ELMOD1: variants seen among roughly 807,000 people sequenced by gnomAD.
The protein encoded by ELMOD1 is ELMO domain containing 1.
In ELMOD1, 21 loss-of-function variants were observed where a neutral mutation model predicts 46.7. The observed-to-expected ratio is 0.45, with a 90% confidence interval of 0.32 to 0.65. The LOEUF is 0.65. Ranked by LOEUF, ELMOD1 falls within the 30% of genes least tolerant of loss-of-function variation. The pLI, the probability that ELMOD1 is intolerant of heterozygous loss-of-function variation, is 0.04. For synonymous variants in ELMOD1, 122 were observed against 138.2 expected (o/e 0.88, Z 0.82); for missense variants, 348 against 407.8 (o/e 0.85, Z 1.26).
At chr11:107,642,281 A>G (rs1038883797) in intron 6 of ELMOD1, among the ~76,000 whole-genome samples, 5 of 152,114 alleles carry the variant, frequency 3.3e-5, no homozygotes, top group African/African-American at 1.2e-4. Flanking sequence ...TCTGATGAGG[A>G]TTATAATCCA....
At chr11:107,604,867 C>G (rs191401701) in intron 1 of ELMOD1, among the ~76,000 whole-genome samples, 2 of 152,170 alleles carry the variant, frequency 1.3e-5, no homozygotes, top group East Asian at 3.8e-4. Context: ...AGCAGAGTAC[C>G]CTGCTTGCCT....
At position 107,659,663 on chromosome 11, in the gene ELMOD1, G is replaced by GTGGA. The variant is rs773570377; in HGVS notation, c.832+3641_832+3644dup. ...GGGGGTTGGGTGGGTGGGTGGGTGG[G>GTGGA]TGGATGGATGGATGGATGGATGGAT... On this transcript the variant is annotated intron_variant, in intron 11 of 11. Transcript: ENST00000265840. Among the ~76,000 whole-genome samples the GTGGA allele has an allele frequency of 9.2e-3, 831 of 90,008 alleles. 10 individuals are homozygous for GTGGA. Among genetic ancestry groups the GTGGA allele is most frequent in the Middle Eastern group, 0.024 (5 of 208 alleles). The allele number at this position is 90,008 out of a possible 152,430, so 59.0% of individuals were successfully genotyped here.
At chr11:107,643,849 G>C in intron 6 of ELMOD1, 1 of 276,870 alleles carries the variant, frequency 3.6e-6, no homozygotes. Context: ...CCTCAGCATT[G>C]CCATGCCCTC....
At chr11:107,622,888 A>C (rs1041180801) in intron 2 of ELMOD1, among the ~76,000 whole-genome samples, 3 of 152,186 alleles carry the variant, frequency 2.0e-5, no homozygotes, top group Non-Finnish European at 4.4e-5. Context: ...TGGTACATAC[A>C]TGTATGAGGT....
At chr11:107,606,711 T>C (rs1471059205) in intron 1 of ELMOD1, among the ~76,000 whole-genome samples, 2 of 152,050 alleles carry the variant, frequency 1.3e-5, no homozygotes, top group African/African-American at 4.8e-5. Flanking sequence ...GGCGTGCGCC[T>C]GTAATCCCAG....
At chr11:107,597,145 C>G (rs1469188695) in intron 1 of ELMOD1, among the ~76,000 whole-genome samples, 1 of 152,120 alleles carries the variant, frequency 6.6e-6, no homozygotes, top group Non-Finnish European at 1.5e-5. Flanking sequence ...ATCAAGGACT[C>G]AGATGTACAT....
intron 6 of ELMOD1, among the ~76,000 whole-genome samples, chr11:107,638,996 A>G (rs914879808): frequency 2.0e-5 from 3 of 152,080 alleles, no homozygotes; most frequent in African/African-American, 7.2e-5. Context: ...AAAATTTTTT[A>G]ATAAATAGCT....
intron 2 of ELMOD1, 98 bp downstream of exon 2, chr11:107,618,304 C>A: frequency 7.4e-7 from 1 of 1,343,202 alleles, no homozygotes; most frequent in Non-Finnish European, 1.0e-6. Context: ...GATCCTGTGA[C>A]CAGGACTCCT....
intron 11 of ELMOD1, among the ~76,000 whole-genome samples, chr11:107,660,830 G>T (rs186852784): frequency 7.2e-5 from 11 of 152,238 alleles, no homozygotes; most frequent in African/African-American, 2.4e-4. Flanking sequence ...CTTCCATAGC[G>T]AACAAATCAT....
At chr11:107,621,351 C>G (rs1414515442) in intron 2 of ELMOD1, among the ~76,000 whole-genome samples, 1 of 152,156 alleles carries the variant, frequency 6.6e-6, no homozygotes, top group Non-Finnish European at 1.5e-5. Context: ...AACTTTGAGG[C>G]AATCAAGGGA....
In ELMOD1 at chr11:107,647,549, G is replaced by A. The variant is rs1225654837; in HGVS notation, c.502G>A (p.Asp168Asn). 4 of 1,613,478 alleles carry A rather than the reference G, an allele frequency of 2.5e-6. No homozygotes were observed. Among genetic ancestry groups the A allele is most frequent in the Non-Finnish European group, 3.4e-6 (4 of 1,179,752 alleles). The change falls in exon 7 of 12, where the codon GAT (aspartate) becomes AAT (asparagine). Residue 168 changes from aspartate (D) to asparagine (N), a missense_variant. Physicochemically the swap from Asp to Asn is conservative, Grantham distance 23 (BLOSUM62 1). Transcript: ENST00000265840. ...QWCEIGFQGDDPKTDFRGMGL... is the reference protein window; with the variant it reads ...QWCEIGFQGDNPKTDFRGMGL... Reference sequence around the variant, plus strand: ...GTGTGAAATTGGTTTCCAAGGTGATGATCCTAAAACAGACTTTCGAGGAAT... The same window carrying A: ...GTGTGAAATTGGTTTCCAAGGTGATAATCCTAAAACAGACTTTCGAGGAAT...
In ELMOD1 at chr11:107,631,607, C is replaced by A. The variant is rs773318514; in HGVS notation, c.220C>A (p.Pro74Thr). 8.9e-6 allele frequency: 14 copies of A among 1,564,804 alleles called. No individual in the cohort carries two copies. The highest frequency in any genetic ancestry group is 2.4e-5 in the East Asian group (1 of 42,550). ...KLLQTSVSVHPDAIEKTIEDI... is the reference protein window; with the variant it reads ...KLLQTSVSVHTDAIEKTIEDI... ...GTTGCAGACTTCTGTGAGTGTTCACCCCGACGCTATTGAAAAAACTATAGA... is the reference window on the plus strand; with the variant it reads ...GTTGCAGACTTCTGTGAGTGTTCACACCGACGCTATTGAAAAAACTATAGA... Residue 74 changes from proline (P) to threonine (T), a missense_variant, in exon 5 of 12, where the codon CCC becomes ACC. Coordinates refer to ENST00000265840, the MANE Select transcript of ELMOD1 (RefSeq NM_018712.4).
chr11:107,647,386 C>T, intron 6 of ELMOD1, 82 bp from the exon 7 acceptor site: 1 of 1,345,342 alleles, frequency 7.4e-7, no homozygotes. Flanking sequence ...TTGCAAAGCT[C>T]CTCCTAATAA....
rs571176038 is a variant in ELMOD1, at chr11:107,666,658, TCTGA to T, written c.*1464_*1467del. 2.7e-4 allele frequency: 42 copies of T among 152,800 alleles called. No individual in the cohort carries two copies. The East Asian group carries it at 5.8e-3, about 21-fold the overall frequency. 9.5% of individuals were successfully genotyped at this position (152,800 alleles called of 1,614,324 possible). Reference sequence around the variant, plus strand: ...TTCATACCCATGGTATTTTATACCTTCTGACTATCAATTTTAGTATTATTAGATG... The same window carrying T: ...TTCATACCCATGGTATTTTATACCTTCTATCAATTTTAGTATTATTAGATG... On this transcript the variant is annotated 3_prime_UTR_variant, in exon 12 of 12. Transcript: ENST00000265840.
At chr11:107,630,754 T>A (rs746680638) in intron 4 of ELMOD1, 26 bp downstream of exon 4, 1 of 1,575,856 alleles carries the variant, frequency 6.3e-7, no homozygotes, top group East Asian at 2.3e-5. Context: ...TTTCAGCAGC[T>A]TTTTTTTCAC....
chr11:107,658,216 G>A (rs1305694753), intron 11 of ELMOD1, among the ~76,000 whole-genome samples: 1 of 152,164 alleles, frequency 6.6e-6, no homozygotes, highest in East Asian at 1.9e-4. Context: ...AATTAGGGCA[G>A]GAGACTGCTT....
chr11:107,606,067 G>A (rs962659355), intron 1 of ELMOD1, among the ~76,000 whole-genome samples: 5 of 151,474 alleles, frequency 3.3e-5, no homozygotes, highest in Non-Finnish European at 4.4e-5. Context: ...TTCCTTGCCC[G>A]TTCCTTCTCT....
At chr11:107,657,331 C>T (rs1261153464) in intron 11 of ELMOD1, among the ~76,000 whole-genome samples, 2 of 152,046 alleles carry the variant, frequency 1.3e-5, no homozygotes, top group Non-Finnish European at 2.9e-5. Context: ...ATTACTTGAG[C>T]CCAGGAGTTT....
At chr11:107,663,317 T>C (rs970118077) in intron 11 of ELMOD1, among the ~76,000 whole-genome samples, 2 of 151,956 alleles carry the variant, frequency 1.3e-5, no homozygotes, top group African/African-American at 4.8e-5. Context: ...TCAATTCTAG[T>C]GTGTGAAGGG....
Sources: allele counts gnomAD v4.1 joint callset (sites outside exome capture counted in the v4.1 genomes callset), GRCh38; gene constraint gnomAD v4.1.1; transcripts MANE v1.5; gene names NCBI Gene and HGNC (gene_info 2026-07-23, HGNC 2026-07-21).